The following GLCE variants were observed in gnomAD, a reference collection of about 807,000 sequenced individuals.
GLCE encodes D-glucuronyl C5-epimerase.
In GLCE, 19 loss-of-function variants were observed where a neutral mutation model predicts 47.9. The ratio of observed to expected loss-of-function variants is 0.40; its 90% CI spans 0.28 to 0.58. The LOEUF (loss-of-function observed/expected upper bound fraction) is 0.58, where lower values mean the gene tolerates loss of function less well. Among genes scored for constraint, GLCE ranks in the 20% least tolerant of loss-of-function variants. The pLI, the probability that GLCE is intolerant of heterozygous loss-of-function variation, is 0.48. For synonymous variants in GLCE, 245 were observed against 263.4 expected (o/e 0.93, Z 0.68); for missense variants, 556 against 743.3 (o/e 0.75, Z 2.93).
At chr15:69,228,749 C>A (rs955177432) in intron 2 of GLCE, among the ~76,000 whole-genome samples, 2 of 152,094 alleles carry the variant, frequency 1.3e-5, no homozygotes, top group Non-Finnish European at 2.9e-5. Flanking sequence ...TGGAGTGGCA[C>A]GATCTCGGCT....
At chr15:69,180,434 AGT>A in intron 1 of GLCE, among the ~76,000 whole-genome samples, 1 of 152,336 alleles carries the variant, frequency 6.6e-6, no homozygotes, top group East Asian at 1.9e-4. Context: ...GAAGATAAGT[AGT>A]AAAGAGGAAA....
intron 2 of GLCE, among the ~76,000 whole-genome samples, chr15:69,226,040 A>G (rs867238182): frequency 1.4e-5 from 2 of 142,032 alleles, no homozygotes; most frequent in South Asian, 2.3e-4. Flanking sequence ...GTGTGCACGC[A>G]TGCACAGACA....
chr15:69,251,426 C>T lies in GLCE; in HGVS notation c.-13-4368C>T, dbSNP rs190584664. 1.8e-4 allele frequency among the ~76,000 whole-genome samples: 28 copies of T among 152,254 alleles called. No individual in the cohort carries two copies. The East Asian group carries it at 5.4e-3, about 29-fold the overall frequency. ...ATAACATATTTGGTGTTACTTTGCA[C>T]AGTATGAATCTCTAGGTCATGGCAA... On this transcript the variant is annotated intron_variant, in intron 2 of 4. Coordinates refer to ENST00000261858, the MANE Select transcript of GLCE (RefSeq NM_015554.3).
chr15:69,193,074 T>C (rs2051936859), intron 1 of GLCE, among the ~76,000 whole-genome samples: 1 of 151,464 alleles, frequency 6.6e-6, no homozygotes, highest in African/African-American at 2.4e-5. Flanking sequence ...CTCAGGCATC[T>C]GCCCCCTCCC....
At chr15:69,238,516 TC>T (rs2052622395) in intron 2 of GLCE, among the ~76,000 whole-genome samples, 1 of 152,224 alleles carries the variant, frequency 6.6e-6, no homozygotes, top group African/African-American at 2.4e-5. Context: ...GTTAAACCTT[TC>T]CTTTTTCTGT....
chr15:69,175,988 A>C (rs16953669), intron 1 of GLCE, among the ~76,000 whole-genome samples: 18,532 of 152,158 alleles, frequency 0.12, 1,194 homozygotes, highest in East Asian at 0.16. Flanking sequence ...ACTGGCTGGC[A>C]AATCTTACAT....
intron 2 of GLCE, among the ~76,000 whole-genome samples, chr15:69,254,108 G>A (rs2052887450): frequency 1.3e-5 from 2 of 152,062 alleles, no homozygotes; most frequent in Admixed American, 1.3e-4. Flanking sequence ...AAAGGGTTGA[G>A]GGGAAAATGA....
chr15:69,266,735 A>C, intron 4 of GLCE: 1 of 946,312 alleles, frequency 1.1e-6, no homozygotes, highest in Non-Finnish European at 1.3e-6. Context: ...GAATATTCTC[A>C]TAAGAATACC....
At chr15:69,213,922 C>A (rs1248530715) in intron 2 of GLCE, among the ~76,000 whole-genome samples, 1 of 152,092 alleles carries the variant, frequency 6.6e-6, no homozygotes, top group African/African-American at 2.4e-5. Flanking sequence ...GGATTAGAAT[C>A]AAAATTCTGT....
chr15:69,258,682 G>T, intron 3 of GLCE, among the ~76,000 whole-genome samples: 1 of 152,102 alleles, frequency 6.6e-6, no homozygotes, highest in East Asian at 1.9e-4. Context: ...ATCACATCAG[G>T]GTTAATGGTG....
intron 2 of GLCE, among the ~76,000 whole-genome samples, chr15:69,235,806 CATAAA>C (rs1410315340): frequency 9.9e-5 from 15 of 152,122 alleles, no homozygotes; most frequent in African/African-American, 3.4e-4. Context: ...GTATAGTTTA[CATAAA>C]ATAAAATGTG....
chr15:69,248,377 A>T (rs2052785299), intron 2 of GLCE, among the ~76,000 whole-genome samples: 1 of 152,200 alleles, frequency 6.6e-6, no homozygotes. Context: ...ACAGCATCAC[A>T]GTCCGTATTC....
chr15:69,215,251 G>T (rs2052289683), intron 2 of GLCE, among the ~76,000 whole-genome samples: 1 of 151,870 alleles, frequency 6.6e-6, no homozygotes, highest in South Asian at 2.1e-4. Flanking sequence ...CCCAAATCCT[G>T]GCAACCCCTA....
intron 1 of GLCE, among the ~76,000 whole-genome samples, chr15:69,198,848 C>T (rs573937812): frequency 6.6e-6 from 1 of 152,222 alleles, no homozygotes; most frequent in Admixed American, 6.5e-5. Flanking sequence ...AACCACCATG[C>T]TTGGCCAATA....
chr15:69,233,701 C>T (rs538242094), intron 2 of GLCE, among the ~76,000 whole-genome samples: 13 of 152,278 alleles, frequency 8.5e-5, no homozygotes, highest in African/African-American at 3.1e-4. Flanking sequence ...CCCTATTAGA[C>T]TGTTTAGGGA....
intron 2 of GLCE, among the ~76,000 whole-genome samples, chr15:69,216,545 G>A (rs1357032440): frequency 6.6e-6 from 1 of 152,052 alleles, no homozygotes; most frequent in Non-Finnish European, 1.5e-5. Context: ...ATTTAAGCCT[G>A]ATACTTACTA....
chr15:69,243,144 T>C (rs1336394383), intron 2 of GLCE, among the ~76,000 whole-genome samples: 16 of 151,786 alleles, frequency 1.1e-4, no homozygotes, highest in Admixed American at 9.9e-4. Flanking sequence ...TTTGGTGTCC[T>C]GTTAGGGGTA....
chr15:69,227,036 T>C (rs940019923), intron 2 of GLCE, among the ~76,000 whole-genome samples: 3 of 152,024 alleles, frequency 2.0e-5, no homozygotes, highest in African/African-American at 7.2e-5. Flanking sequence ...TGAGCCACCA[T>C]GCCCAGCCAA....
chr15:69,215,259 C>G (rs1178832028), intron 2 of GLCE, among the ~76,000 whole-genome samples: 2 of 152,114 alleles, frequency 1.3e-5, no homozygotes, highest in Non-Finnish European at 2.9e-5. Flanking sequence ...CTGGCAACCC[C>G]TAATGTGTGT....
Sources: gnomAD v4.1 joint callset for allele counts (sites outside exome capture counted in the v4.1 genomes callset) on GRCh38, gnomAD v4.1.1 for gene constraint, MANE v1.5 for transcripts, NCBI Gene and HGNC (gene_info 2026-07-23, HGNC 2026-07-21) for gene names.